The following MALRD1 variants were observed in gnomAD, a reference collection of about 807,000 sequenced individuals.
MALRD1 encodes MAM and LDL-receptor class A domain-containing protein 1.
MALRD1 carries 247 observed loss-of-function variants against 242.1 expected under a neutral mutation model. The ratio of observed to expected loss-of-function variants is 1.02; its 90% CI spans 0.92 to 1.13. The LOEUF is 1.13. Ranked by LOEUF, MALRD1 falls within the 50% of genes most tolerant of loss-of-function variation. The pLI is 0.00. For synonymous variants in MALRD1, 995 were observed against 866.6 expected (o/e 1.15, Z -2.60); for missense variants, 2,989 against 2,533.1 (o/e 1.18, Z -3.86).
intron 31 of MALRD1, among the ~76,000 whole-genome samples, chr10:19,524,740 C>G (rs982433478): frequency 6.7e-6 from 1 of 149,454 alleles, no homozygotes; most frequent in East Asian, 2.0e-4. Context: ...AAAAAAAAGT[C>G]TAAAACTGAG....
At position 19,321,570 on chromosome 10, in the gene MALRD1, C is replaced by A. The variant is rs117629630; in HGVS notation, c.3420-2379C>A. ...ATACATTTAACTAAATCATAAAGAT[C>A]TAATCAGCATACCTGGGATATTCAT... is the stretch of plus-strand genomic sequence containing the variant. On this transcript the variant is annotated intron_variant, in intron 21 of 39. Transcript: ENST00000454679. 1.8e-4 allele frequency among the ~76,000 whole-genome samples: 27 copies of A among 152,230 alleles called. No homozygotes were observed. The East Asian group carries it at 5.2e-3, about 29-fold the overall frequency.
At chr10:19,369,920 C>T (rs1168859550) in intron 26 of MALRD1, among the ~76,000 whole-genome samples, 1 of 151,966 alleles carries the variant, frequency 6.6e-6, no homozygotes, top group Non-Finnish European at 1.5e-5. Context: ...TGATGACATA[C>T]AATTTATTAA....
chr10:19,331,366 T>TA lies in MALRD1; in HGVS notation c.3688-2dup, dbSNP rs767600930. On this transcript the variant is annotated splice_region_variant and splice_polypyrimidine_tract_variant and intron_variant, in intron 23 of 39. Coordinates refer to ENST00000454679, the MANE Select transcript of MALRD1 (RefSeq NM_001142308.3). ...TTTAACTGTAACTGGCTTTTTTTTT[T>TA]AGATTGTCTTCAGAGCCAAACGTGG... 174 of 1,549,124 alleles carry TA rather than the reference T, an allele frequency of 1.1e-4. No homozygotes were observed. Among genetic ancestry groups the TA allele is most frequent in the Middle Eastern group, 1.7e-4 (1 of 6,008 alleles).
chr10:19,297,265 TA>T (rs1424514164), intron 21 of MALRD1, among the ~76,000 whole-genome samples: 7 of 151,960 alleles, frequency 4.6e-5, no homozygotes, highest in South Asian at 2.1e-4. Flanking sequence ...AACTTTGTTT[TA>T]ATTGAAATAA....
At chr10:19,499,341 T>C (rs1837863002) in intron 31 of MALRD1, among the ~76,000 whole-genome samples, 1 of 152,078 alleles carries the variant, frequency 6.6e-6, no homozygotes, top group South Asian at 2.1e-4. Context: ...ATGTGTCAAA[T>C]TGGAGATGTT....
At chr10:19,678,588 A>G (rs944455457) in intron 36 of MALRD1, among the ~76,000 whole-genome samples, 3 of 151,804 alleles carry the variant, frequency 2.0e-5, no homozygotes, top group Non-Finnish European at 2.9e-5. Flanking sequence ...ATAGGGTTTT[A>G]TAGATATAGG....
intron 38 of MALRD1, among the ~76,000 whole-genome samples, chr10:19,705,804 T>TGAAAAAA (rs71388859): frequency 1.9e-5 from 2 of 102,902 alleles, no homozygotes; most frequent in Non-Finnish European, 3.5e-5. Context: ...CCTGCAATAG[T>TGAAAAAA]AAAAAAAAAA....
intron 9 of MALRD1, 67 bp from the exon 10 acceptor site, chr10:19,136,507 C>A (rs907411554): frequency 2.2e-6 from 2 of 907,022 alleles, no homozygotes; most frequent in Non-Finnish European, 1.4e-6. Flanking sequence ...TCTTTATCAA[C>A]CTTCTTTAGT....
At chr10:19,215,545 C>G (rs1227431114) in intron 18 of MALRD1, among the ~76,000 whole-genome samples, 2 of 152,142 alleles carry the variant, frequency 1.3e-5, no homozygotes, top group Non-Finnish European at 2.9e-5. Flanking sequence ...CCCCAAACTT[C>G]TTGTAAAGCA....
intron 36 of MALRD1, among the ~76,000 whole-genome samples, chr10:19,683,424 T>C (rs1842455772): frequency 6.6e-6 from 1 of 152,230 alleles, no homozygotes; most frequent in African/African-American, 2.4e-5. Context: ...ATGTGCATCG[T>C]AATATTTAAT....
At chr10:19,638,318 A>G (rs1277933912) in intron 36 of MALRD1, among the ~76,000 whole-genome samples, 1 of 152,092 alleles carries the variant, frequency 6.6e-6, no homozygotes, top group East Asian at 1.9e-4. Flanking sequence ...CACAGGGAAA[A>G]CAAAAGGAGG....
intron 34 of MALRD1, among the ~76,000 whole-genome samples, chr10:19,596,762 C>T (rs536089605): frequency 2.2e-4 from 16 of 73,638 alleles, no homozygotes; most frequent in South Asian, 3.5e-4. Flanking sequence ...AAGAAAAGAA[C>T]GAAAGAAAGA....
At chr10:19,243,316 G>T (rs912077792) in intron 18 of MALRD1, among the ~76,000 whole-genome samples, 1 of 151,932 alleles carries the variant, frequency 6.6e-6, no homozygotes, top group Admixed American at 6.6e-5. Context: ...TTATTTAATG[G>T]CAGCATTAAA....
At position 19,531,331 on chromosome 10, in the gene MALRD1, A is replaced by G; in HGVS notation, c.5458A>G (p.Arg1820Gly). 6.5e-7 allele frequency: 1 copy of G among 1,546,030 alleles called. No homozygotes were observed. Among genetic ancestry groups the G allele is most frequent in the East Asian group, 2.4e-5 (1 of 40,834 alleles). The change falls in exon 32 of 40, where the codon AGG (arginine) becomes GGG (glycine). Residue 1820 changes from arginine (R) to glycine (G), a missense_variant. Transcript: ENST00000454679. ...GTTCTGGTTCTACATGATTGATCCCAGGAGTATGGGAATATTAAAGGTACA... is the reference window on the plus strand; with the variant it reads ...GTTCTGGTTCTACATGATTGATCCCGGGAGTATGGGAATATTAAAGGTACA... ...VRFWFYMIDP[R>G]SMGILKVYTI...
At chr10:19,647,803 A>G (rs1353597041) in intron 36 of MALRD1, among the ~76,000 whole-genome samples, 7 of 152,170 alleles carry the variant, frequency 4.6e-5, no homozygotes, top group Non-Finnish European at 1.0e-4. Flanking sequence ...CTCACATAAG[A>G]CTTAACCATC....
intron 35 of MALRD1, among the ~76,000 whole-genome samples, chr10:19,610,203 A>G (rs1477039248): frequency 6.6e-6 from 1 of 151,966 alleles, no homozygotes; most frequent in Non-Finnish European, 1.5e-5. Context: ...CACCTCATGC[A>G]TTAATTATTT....
At chr10:19,059,639 A>G (rs1834764736) in intron 1 of MALRD1, among the ~76,000 whole-genome samples, 1 of 151,636 alleles carries the variant, frequency 6.6e-6, no homozygotes, top group Non-Finnish European at 1.5e-5. Context: ...TGATCCGCCC[A>G]CTGTGGCCTC....
chr10:19,442,263 A>G (rs1344289037), intron 28 of MALRD1, among the ~76,000 whole-genome samples: 3 of 152,178 alleles, frequency 2.0e-5, no homozygotes, highest in East Asian at 1.9e-4. Flanking sequence ...TAAATATACA[A>G]TCATGTCATC....
rs1287122089 is a variant in MALRD1 at position 19,531,184 on chromosome 10, C to T, written c.5321-10C>T. 1.3e-6 allele frequency: 2 copies of T among 1,534,060 alleles called. No homozygotes were observed. Among genetic ancestry groups the T allele is most frequent in the Non-Finnish European group, 1.8e-6 (2 of 1,136,920 alleles). On this transcript the variant is annotated splice_polypyrimidine_tract_variant and intron_variant, in intron 31 of 39. Transcript: ENST00000454679. ...TTACACTGAAAAAAATTTTGTTAAT[C>T]TATTTCAAGGTAGTGGTCAGCACTT...
Sources: gnomAD v4.1 joint callset for allele counts (sites outside exome capture counted in the v4.1 genomes callset) on GRCh38, gnomAD v4.1.1 for gene constraint, MANE v1.5 for transcripts, NCBI Gene and HGNC (gene_info 2026-07-23, HGNC 2026-07-21) for gene names.